The following FER1L6 variants were observed in gnomAD, a reference collection of about 807,000 sequenced individuals.
The protein encoded by FER1L6 is fer-1 like family member 6.
A neutral mutation model predicts 219.2 loss-of-function variants in FER1L6; 177 were observed. The observed-to-expected ratio is 0.81, with a 90% CI of 0.71 to 0.91. The LOEUF is 0.91. Ranked by LOEUF, FER1L6 falls within the 40% of genes least tolerant of loss-of-function variation. The pLI, the probability that FER1L6 is intolerant of heterozygous loss-of-function variation, is 0.00. For missense variants in FER1L6, 2,153 were observed against 2,259.9 expected, an observed-to-expected ratio of 0.95 and a Z score of 0.96; for synonymous variants, 768 against 824.3, an observed-to-expected ratio of 0.93 and a Z score of 1.17.
chr8:124,017,251 T>A (rs890170304), intron 15 of FER1L6, among the ~76,000 whole-genome samples: 3 of 152,188 alleles, frequency 2.0e-5, no homozygotes, highest in Non-Finnish European at 1.5e-5. Flanking sequence ...CATCTAGGTA[T>A]TGAATCTAAA....
At chr8:123,971,940 T>C (rs1192743884) in intron 6 of FER1L6, among the ~76,000 whole-genome samples, 2 of 152,208 alleles carry the variant, frequency 1.3e-5, no homozygotes, top group African/African-American at 2.4e-5. Flanking sequence ...ACTGGATGGA[T>C]GACTTTAAGA....
At chr8:124,030,458 G>T (rs1452738384) in intron 18 of FER1L6, among the ~76,000 whole-genome samples, 1 of 152,114 alleles carries the variant, frequency 6.6e-6, no homozygotes, top group Non-Finnish European at 1.5e-5. Context: ...TCTCCTTTTA[G>T]TCTTATCCCC....
At chr8:124,029,587 T>C (rs1406953080) in intron 18 of FER1L6, among the ~76,000 whole-genome samples, 1 of 152,244 alleles carries the variant, frequency 6.6e-6, no homozygotes, top group African/African-American at 2.4e-5. Flanking sequence ...TGTCTATTTA[T>C]GTCATTTGCC....
At chr8:123,938,237 G>A (rs1227284997) in intron 1 of FER1L6, among the ~76,000 whole-genome samples, 3 of 152,128 alleles carry the variant, frequency 2.0e-5, no homozygotes, top group Non-Finnish European at 4.4e-5. Flanking sequence ...GTTTACACGG[G>A]GAATACCTCC....
intron 33 of FER1L6, among the ~76,000 whole-genome samples, chr8:124,085,324 T>C (rs1333811372): frequency 6.6e-6 from 1 of 152,082 alleles, no homozygotes; most frequent in Admixed American, 6.5e-5. Context: ...ACATTATTTA[T>C]TTGAAGTTTT....
chr8:123,919,426 G>C (rs7837892), intron 1 of FER1L6, among the ~76,000 whole-genome samples: 50,181 of 152,092 alleles, frequency 0.33, 8,792 homozygotes, highest in East Asian at 0.45. Flanking sequence ...GACTCTGGTT[G>C]AGCAGCAGGC....
intron 1 of FER1L6, among the ~76,000 whole-genome samples, chr8:123,882,580 G>A (rs1002216029): frequency 1.3e-5 from 2 of 152,218 alleles, no homozygotes; most frequent in Non-Finnish European, 2.9e-5. Context: ...AGAGCTGATA[G>A]AGTGGGAGTA....
intron 20 of FER1L6, 140 bp from the exon 21 acceptor site, chr8:124,045,627 A>T: frequency 2.2e-6 from 2 of 915,712 alleles, no homozygotes; most frequent in Non-Finnish European, 3.4e-6. Context: ...CAGTTTACAT[A>T]GTCACTTGAA....
chr8:123,865,878 T>C (rs1445442083), intron 1 of FER1L6, among the ~76,000 whole-genome samples: 1 of 151,328 alleles, frequency 6.6e-6, no homozygotes, highest in African/African-American at 2.5e-5. Context: ...GCGCCCACTG[T>C]CTGGCACTCC....
intron 27 of FER1L6, among the ~76,000 whole-genome samples, chr8:124,067,007 T>C (rs1820857223): frequency 1.3e-5 from 2 of 152,118 alleles, no homozygotes; most frequent in Admixed American, 6.5e-5. Context: ...AATGGTATTA[T>C]AAGTGGGTTT....
intron 1 of FER1L6, among the ~76,000 whole-genome samples, chr8:123,879,286 A>G (rs2130291929): frequency 6.6e-6 from 1 of 152,234 alleles, no homozygotes; most frequent in South Asian, 2.1e-4. Context: ...TTGGGCAACA[A>G]AGCAAAACCC....
chr8:124,092,605 T>C (rs757729133), intron 34 of FER1L6, among the ~76,000 whole-genome samples: 5 of 152,176 alleles, frequency 3.3e-5, no homozygotes, highest in Admixed American at 6.5e-5. Context: ...AGAATTCTCA[T>C]ACTGTCACAC....
chr8:124,110,027 G>A (rs1380442896), intron 39 of FER1L6, among the ~76,000 whole-genome samples: 4 of 152,112 alleles, frequency 2.6e-5, no homozygotes, highest in Non-Finnish European at 5.9e-5. Context: ...CCTAATATAT[G>A]TTCCCCTAAC....
intron 5 of FER1L6, among the ~76,000 whole-genome samples, chr8:123,969,270 TAAA>T (rs1815691435): frequency 6.6e-6 from 1 of 152,194 alleles, no homozygotes; most frequent in Non-Finnish European, 1.5e-5. Flanking sequence ...TTCTTAATAT[TAAA>T]AATCCTCATG....
chr8:123,947,781 G>A (rs1814570451), intron 1 of FER1L6, among the ~76,000 whole-genome samples: 2 of 152,204 alleles, frequency 1.3e-5, no homozygotes, highest in African/African-American at 2.4e-5. Context: ...AAGTGCTAGT[G>A]GAGTCCAGAG....
At chr8:124,009,528 T>C (rs887599866) in intron 13 of FER1L6, among the ~76,000 whole-genome samples, 1 of 152,006 alleles carries the variant, frequency 6.6e-6, no homozygotes, top group Non-Finnish European at 1.5e-5. Flanking sequence ...TTGAGTTTTG[T>C]AGAGCTGGAG....
rs780216337 is a variant in FER1L6 at position 124,097,376 on chromosome 8, C to T, written c.4784+17C>T. ...ACCCAAAGGGTATGTCAGCTGTAGC[C>T]CCAGCTTCAGGGGAAGAGACCAGGG... is the stretch of plus-strand genomic sequence containing the variant. On this transcript the variant is annotated intron_variant, in intron 36 of 40. Coordinates refer to ENST00000522917, the MANE Select transcript of FER1L6 (RefSeq NM_001039112.2). The T allele has an allele frequency of 3.2e-6, 5 of 1,571,286 alleles. No homozygotes were observed. In the South Asian group the frequency reaches 5.6e-5, roughly 18 times the overall value.
chr8:124,010,627 G>C lies in FER1L6; in HGVS notation c.1734G>C (p.Lys578Asn), dbSNP rs1161667579. Reference protein sequence around the residue: ...NYNYLPFEAKKPCVYFISSWG... With the variant: ...NYNYLPFEAKNPCVYFISSWG... ...ACTATTTGCCATTTGAGGCTAAGAA[G>C]CCCTGTGTCTATTTCATCAGCTCTT... The change falls in exon 14 of 41, where the codon AAG becomes AAC. Residue 578 changes from lysine (K) to asparagine (N), a missense_variant. Lys to Asn is a moderately conservative substitution (Grantham distance 94, BLOSUM62 0). Coordinates refer to ENST00000522917, the MANE Select transcript of FER1L6 (RefSeq NM_001039112.2). 5 of 1,614,026 alleles carry C rather than the reference G, an allele frequency of 3.1e-6. No individual in the cohort carries two copies. In the East Asian group the frequency reaches 1.1e-4, roughly 36 times the overall value.
At chr8:124,003,789 A>G (rs891667027) in intron 13 of FER1L6, among the ~76,000 whole-genome samples, 1 of 151,998 alleles carries the variant, frequency 6.6e-6, no homozygotes, top group Middle Eastern at 3.2e-3. Context: ...TTTTAATCTC[A>G]GCTATGAGAA....
Sources: allele counts gnomAD v4.1 joint callset (sites outside exome capture counted in the v4.1 genomes callset), GRCh38; gene constraint gnomAD v4.1.1; transcripts MANE v1.5; gene names NCBI Gene and HGNC (gene_info 2026-07-23, HGNC 2026-07-21).